Variants in CNTN5 observed in about 807,000 individuals in gnomAD.
The protein encoded by CNTN5 is contactin-5.
In CNTN5, 77 loss-of-function variants were observed where a neutral mutation model predicts 129.1. The observed-to-expected ratio is 0.60, with a 90% CI of 0.50 to 0.72. CNTN5 has a LOEUF of 0.72. CNTN5 is among the 30% of genes least tolerant of loss of function. The pLI, the probability that CNTN5 is intolerant of heterozygous loss-of-function variation, is 0.00. For synonymous variants in CNTN5, 509 were observed against 465.6 expected (o/e 1.09, Z -1.20); for missense variants, 1,478 against 1,328.8 (o/e 1.11, Z -1.75).
chr11:99,404,411 G>A (rs1236258539), intron 2 of CNTN5, among the ~76,000 whole-genome samples: 1 of 151,492 alleles, frequency 6.6e-6, no homozygotes, highest in Non-Finnish European at 1.5e-5. Context: ...TGGTTGTTTT[G>A]TGGTCTTCTC....
intron 3 of CNTN5, among the ~76,000 whole-genome samples, chr11:99,770,029 A>T (rs970876628): frequency 1.3e-5 from 2 of 151,918 alleles, no homozygotes; most frequent in Non-Finnish European, 2.9e-5. Flanking sequence ...CACTACCTAA[A>T]ATCTATTTAG....
intron 23 of CNTN5, among the ~76,000 whole-genome samples, chr11:100,342,197 TGGTC>T (rs921524598): frequency 7.7e-6 from 1 of 129,500 alleles, no homozygotes; most frequent in Non-Finnish European, 1.6e-5. Flanking sequence ...CCATCAGTAA[TGGTC>T]GGGAATATTG....
intron 7 of CNTN5, among the ~76,000 whole-genome samples, chr11:99,954,142 T>C (rs1950741982): frequency 6.6e-6 from 1 of 151,978 alleles, no homozygotes; most frequent in African/African-American, 2.4e-5. Flanking sequence ...ACTTAAAGGA[T>C]AATAATAAAA....
chr11:99,898,703 G>C (rs1949273723), intron 6 of CNTN5, among the ~76,000 whole-genome samples: 2 of 151,638 alleles, frequency 1.3e-5, no homozygotes, highest in African/African-American at 4.8e-5. Context: ...TGACTACCGT[G>C]ATTTTTTTTT....
Position 100,071,832 on chromosome 11 carries a change from T to G in CNTN5, c.1427T>G (p.Leu476Arg). 1 of 1,586,582 alleles carries G rather than the reference T, an allele frequency of 6.3e-7. No homozygotes were observed. Among genetic ancestry groups the G allele is most frequent in the Non-Finnish European group, 8.5e-7 (1 of 1,171,948 alleles). Reference sequence around the variant, plus strand: ...TACGCTAGTGCTGAGCTGAAGATTCTAGGTATGCAGTTTCTAAGTGAATAA... The same window carrying G: ...TACGCTAGTGCTGAGCTGAAGATTCGAGGTATGCAGTTTCTAAGTGAATAA... ...AIYASAELKI[L>R]ASAPTFALNQ... is the part of the protein sequence containing the mutation. Residue 476 changes from leucine to arginine, a missense_variant and splice_region_variant, in exon 12 of 25, where the codon CTA (leucine) becomes CGA (arginine). Leu to Arg is a moderately radical substitution (Grantham distance 102, BLOSUM62 -2). Coordinates refer to ENST00000524871, the MANE Select transcript of CNTN5 (RefSeq NM_014361.4).
At chr11:99,414,614 TA>T (rs1462267000) in intron 2 of CNTN5, among the ~76,000 whole-genome samples, 1 of 151,960 alleles carries the variant, frequency 6.6e-6, no homozygotes, top group East Asian at 1.9e-4. Flanking sequence ...CAGATAGTGA[TA>T]GGGGTATGGG....
intron 1 of CNTN5, among the ~76,000 whole-genome samples, chr11:99,154,455 G>A (rs759337916): frequency 2.0e-4 from 30 of 152,176 alleles, no homozygotes; most frequent in East Asian, 1.4e-3. Flanking sequence ...CTAGGTTCCC[G>A]TGTTTGAGCA....
In CNTN5 at chr11:100,151,580, T is replaced by C. The variant is rs114195343; in HGVS notation, c.1581-39546T>C. Among the ~76,000 whole-genome samples the C allele has an allele frequency of 9.3e-3, 1,413 of 152,290 alleles. 27 individuals carry two copies. The highest frequency in any genetic ancestry group is 0.031 in the African/African-American group (1,268 of 41,572). On this transcript the variant is annotated intron_variant, in intron 13 of 24. Coordinates refer to ENST00000524871, the MANE Select transcript of CNTN5 (RefSeq NM_014361.4). ...GCAAGCAACCCGGTACATCGACTTA[T>C]AGGTTTCCCTACGTTAATTTGAACA...
At chr11:99,287,210 T>G (rs983271068) in intron 1 of CNTN5, among the ~76,000 whole-genome samples, 1 of 152,140 alleles carries the variant, frequency 6.6e-6, no homozygotes, top group African/African-American at 2.4e-5. Flanking sequence ...CTTGTTGACA[T>G]TCATATTTCA....
At chr11:99,211,610 C>T (rs1420059581) in intron 1 of CNTN5, among the ~76,000 whole-genome samples, 2 of 150,522 alleles carry the variant, frequency 1.3e-5, no homozygotes, top group Admixed American at 1.3e-4. Context: ...ATGCAAGTTT[C>T]TTCTCTTTTT....
rs1478048866 is a variant in CNTN5 at position 99,639,559 on chromosome 11, G to GGTT, written c.55+83290_55+83291insGTT. ...TTAACAGCACCCAAGTCACCTTTAT[G>GGTT]TTTTTTTTTTTTTTTTTTTTTTTGA... On this transcript the variant is annotated intron_variant, in intron 3 of 24. Coordinates refer to ENST00000524871, the MANE Select transcript of CNTN5 (RefSeq NM_014361.4). 5.7e-3 allele frequency among the ~76,000 whole-genome samples: 401 copies of GGTT among 70,342 alleles called. 4 individuals carry two copies. Among genetic ancestry groups the GGTT allele is most frequent in the Middle Eastern group, 0.019 (1 of 54 alleles). 46.1% of individuals were successfully genotyped at this position (70,342 alleles called of 152,430 possible).
intron 2 of CNTN5, among the ~76,000 whole-genome samples, chr11:99,475,813 T>C (rs1223724474): frequency 1.3e-5 from 2 of 152,052 alleles, no homozygotes; most frequent in Non-Finnish European, 1.5e-5. Flanking sequence ...ATGGTTTCTA[T>C]TTCCCTCTTT....
chr11:99,691,955 T>G (rs967735400), intron 3 of CNTN5, among the ~76,000 whole-genome samples: 1 of 152,172 alleles, frequency 6.6e-6, no homozygotes, highest in Non-Finnish European at 1.5e-5. Context: ...ATATTTAGGA[T>G]AGTTAGTTCT....
chr11:99,545,036 G>T (rs1464480371), intron 2 of CNTN5, among the ~76,000 whole-genome samples: 1 of 152,060 alleles, frequency 6.6e-6, no homozygotes, highest in Non-Finnish European at 1.5e-5. Flanking sequence ...TTCCACCAGG[G>T]GATCTGCCTA....
At chr11:99,575,511 A>G (rs1949316456) in intron 3 of CNTN5, among the ~76,000 whole-genome samples, 1 of 152,218 alleles carries the variant, frequency 6.6e-6, no homozygotes, top group Admixed American at 6.5e-5. Flanking sequence ...TGCTAAAACA[A>G]TCTTGAGAAA....
At chr11:99,229,289 A>G (rs1053842412) in intron 1 of CNTN5, among the ~76,000 whole-genome samples, 2 of 152,042 alleles carry the variant, frequency 1.3e-5, no homozygotes, top group African/African-American at 2.4e-5. Context: ...TGTGCATTCA[A>G]TGTGGCTTAA....
rs1461629981 is a variant in CNTN5, at chr11:100,153,185, C to A, written c.1581-37941C>A. On this transcript the variant is annotated intron_variant, in intron 13 of 24. Transcript: ENST00000524871. ...CTAATCAGCAAAATCGTTTACATGACACTTATTATAATGTTGCTACTTTTT... is the reference window on the plus strand; with the variant it reads ...CTAATCAGCAAAATCGTTTACATGAAACTTATTATAATGTTGCTACTTTTT... 3.3e-5 allele frequency among the ~76,000 whole-genome samples: 5 copies of A among 152,094 alleles called. No homozygotes were observed. In the East Asian group the frequency reaches 9.6e-4, roughly 29 times the overall value.
At chr11:99,127,078 A>G (rs900523706) in intron 1 of CNTN5, among the ~76,000 whole-genome samples, 5 of 152,128 alleles carry the variant, frequency 3.3e-5, no homozygotes, top group African/African-American at 1.2e-4. Flanking sequence ...CTACAGCTTC[A>G]GAACTCAATA....
intron 1 of CNTN5, among the ~76,000 whole-genome samples, chr11:99,066,581 T>C (rs1865112566): frequency 6.6e-6 from 1 of 152,144 alleles, no homozygotes; most frequent in East Asian, 1.9e-4. Flanking sequence ...CTTCAGTAGA[T>C]AAAATCAATA....
Sources: allele counts gnomAD v4.1 joint callset (sites outside exome capture counted in the v4.1 genomes callset), GRCh38; gene constraint gnomAD v4.1.1; transcripts MANE v1.5; gene names NCBI Gene and HGNC (gene_info 2026-07-23, HGNC 2026-07-21).